Variants in CAMKMT observed in about 807,000 individuals in gnomAD.
The protein encoded by CAMKMT is calmodulin-lysine N-methyltransferase.
Under a neutral mutation model 48.0 loss-of-function variants are expected in CAMKMT, and 53 were observed. The observed-to-expected ratio is 1.10, with a 90% CI of 0.89 to 1.39. The LOEUF is 1.39. CAMKMT is among the 40% of genes most tolerant of loss of function. CAMKMT has a pLI of 0.00. For synonymous variants in CAMKMT, 165 were observed against 152.3 expected, an observed-to-expected ratio of 1.08 and a Z score of -0.61; for missense variants, 428 against 402.7, an observed-to-expected ratio of 1.06 and a Z score of -0.54.
chr2:44,687,034 A>T (rs1676376089), intron 3 of CAMKMT, among the ~76,000 whole-genome samples: 1 of 152,248 alleles, frequency 6.6e-6, no homozygotes, highest in Non-Finnish European at 1.5e-5. Flanking sequence ...TCCAAACGAA[A>T]CTTAAAATCC....
intron 3 of CAMKMT, among the ~76,000 whole-genome samples, chr2:44,451,366 T>C (rs1667278700): frequency 6.6e-6 from 1 of 152,060 alleles, no homozygotes; most frequent in African/African-American, 2.4e-5. Flanking sequence ...TAATCCTTTT[T>C]TTATAACTCA....
intron 3 of CAMKMT, among the ~76,000 whole-genome samples, chr2:44,681,404 G>A (rs1347874726): frequency 6.6e-6 from 1 of 152,170 alleles, no homozygotes; most frequent in East Asian, 1.9e-4. Flanking sequence ...AAGCCGAGAA[G>A]CCCAGTCCTA....
At chr2:44,406,669 C>A (rs76884208) in intron 3 of CAMKMT, among the ~76,000 whole-genome samples, 3,470 of 152,254 alleles carry the variant, frequency 0.023, 145 homozygotes, top group African/African-American at 0.08. Context: ...CCATCATGGC[C>A]TACTGCATCC....
intron 1 of CAMKMT, among the ~76,000 whole-genome samples, chr2:44,365,479 C>A (rs1031594008): frequency 6.6e-6 from 1 of 152,200 alleles, no homozygotes; most frequent in African/African-American, 2.4e-5. Flanking sequence ...GGATGTTGTT[C>A]TGTTTTCCTC....
In CAMKMT at chr2:44,564,278, C is replaced by T. The variant is rs567611389; in HGVS notation, c.377-140005C>T. Among the ~76,000 whole-genome samples, 24 of 151,590 alleles carry T rather than the reference C, an allele frequency of 1.6e-4. 1 individual carries two copies. In the South Asian group the frequency reaches 3.1e-3, roughly 20 times the overall value. ...GTAACCTCCGCCTTCCGGGTTCAAG[C>T]GATTCTCCTGCCTCAGCCTCCCAAG... On this transcript the variant is annotated intron_variant, in intron 3 of 10. Transcript: ENST00000378494.
At chr2:44,548,537 T>G (rs1479031675) in intron 3 of CAMKMT, among the ~76,000 whole-genome samples, 1 of 152,172 alleles carries the variant, frequency 6.6e-6, no homozygotes, top group Admixed American at 6.5e-5. Context: ...TAGATACTGC[T>G]GTGGAAGGAT....
Position 44,715,405 on chromosome 2 carries a change from T to C in CAMKMT, c.623+52T>C, listed in dbSNP as rs1264273053. ...TTCCCATTGAAATTGCTTTTCTTGA[T>C]ACTATGGATGGTTATTAAAAATAAT... On this transcript the variant is annotated intron_variant, in intron 7 of 10. Coordinates refer to ENST00000378494, the MANE Select transcript of CAMKMT (RefSeq NM_024766.5). 3.1e-6 allele frequency: 4 copies of C among 1,290,486 alleles called. No homozygotes were observed. The South Asian group carries it at 4.8e-5, about 15-fold the overall frequency. The allele number at this position is 1,290,486 out of a possible 1,614,324, so 79.9% of individuals were successfully genotyped here. A position where few individuals can be genotyped will look rare whatever the true frequency, so the allele number is the denominator to read the frequency against.
intron 3 of CAMKMT, among the ~76,000 whole-genome samples, chr2:44,509,032 G>T (rs1215506191): frequency 2.6e-5 from 4 of 151,356 alleles, no homozygotes; most frequent in African/African-American, 9.7e-5. Flanking sequence ...GGAGGTGGAG[G>T]TTGCAGTGAG....
chr2:44,393,915 C>T (rs757345426), intron 3 of CAMKMT, among the ~76,000 whole-genome samples: 2 of 152,202 alleles, frequency 1.3e-5, no homozygotes, highest in African/African-American at 4.8e-5. Context: ...TTTCGTTCCA[C>T]TACTGAAAGG....
intron 3 of CAMKMT, among the ~76,000 whole-genome samples, chr2:44,424,777 G>C (rs1684170864): frequency 6.6e-6 from 1 of 152,112 alleles, no homozygotes; most frequent in African/African-American, 2.4e-5. Flanking sequence ...GGGTGAGACG[G>C]GAGTAAGGGA....
chr2:44,598,174 T>C (rs1321238213), intron 3 of CAMKMT, among the ~76,000 whole-genome samples: 1 of 152,094 alleles, frequency 6.6e-6, no homozygotes, highest in Non-Finnish European at 1.5e-5. Context: ...GATGAAAATA[T>C]TACTGTTCAT....
At chr2:44,651,233 C>T (rs369516155) in intron 3 of CAMKMT, among the ~76,000 whole-genome samples, 5 of 152,182 alleles carry the variant, frequency 3.3e-5, no homozygotes, top group Admixed American at 2.6e-4. Context: ...CTGTTAATTG[C>T]AGAACCATTT....
At chr2:44,632,445 C>A (rs1424845325) in intron 3 of CAMKMT, among the ~76,000 whole-genome samples, 1 of 152,104 alleles carries the variant, frequency 6.6e-6, no homozygotes, top group Non-Finnish European at 1.5e-5. Context: ...AGGTTTACAA[C>A]ATGATGTTAT....
intron 3 of CAMKMT, among the ~76,000 whole-genome samples, chr2:44,465,568 CA>C (rs56885024): frequency 1.9e-3 from 253 of 133,362 alleles, no homozygotes; most frequent in Non-Finnish European, 2.4e-3. Flanking sequence ...TGTACTCTGT[CA>C]AAAAAAAAAA....
intron 7 of CAMKMT, among the ~76,000 whole-genome samples, chr2:44,741,401 G>A (rs1375665570): frequency 1.3e-5 from 2 of 152,212 alleles, no homozygotes; most frequent in East Asian, 3.8e-4. Flanking sequence ...CTCATTGTAT[G>A]TTACATGAAC....
chr2:44,405,757 AATG>A (rs1682734735), intron 3 of CAMKMT, among the ~76,000 whole-genome samples: 1 of 152,156 alleles, frequency 6.6e-6, no homozygotes, highest in African/African-American at 2.4e-5. Flanking sequence ...TAAGAAACTA[AATG>A]ATGAATTAGA....
intron 3 of CAMKMT, among the ~76,000 whole-genome samples, chr2:44,433,302 A>G (rs1461020083): frequency 3.3e-5 from 5 of 152,208 alleles, no homozygotes; most frequent in Non-Finnish European, 1.5e-5. Context: ...AGATCTGGAC[A>G]TTCATGACTG....
chr2:44,609,602 A>T (rs181878500), intron 3 of CAMKMT, among the ~76,000 whole-genome samples: 3 of 152,196 alleles, frequency 2.0e-5, no homozygotes, highest in Admixed American at 6.5e-5. Context: ...GTGACTCCTA[A>T]TGTGGCCATA....
rs754990108 is a variant in CAMKMT at position 44,715,341 on chromosome 2, A to C, written c.611A>C (p.Lys204Thr). 1.9e-6 allele frequency: 3 copies of C among 1,612,736 alleles called. No homozygotes were observed. Among genetic ancestry groups the C allele is most frequent in the Admixed American group, 3.3e-5 (2 of 59,886 alleles). Reference sequence around the variant, plus strand: ...AAGGCTGGTGTGTTTAAGACCCAGAAAATATCAAGCTGGTAAGATACCTTT... The same window carrying C: ...AAGGCTGGTGTGTTTAAGACCCAGACAATATCAAGCTGGTAAGATACCTTT... ...NQKAGVFKTQ[K>T]ISSCVLRWDN... The change falls in exon 7 of 11, where the codon AAA (lysine) becomes ACA (threonine). Residue 204 changes from lysine to threonine, a missense_variant. By Grantham distance (78) the Lys-to-Thr change is moderately conservative. Transcript: ENST00000378494.
Sources: allele counts gnomAD v4.1 joint callset (sites outside exome capture counted in the v4.1 genomes callset), GRCh38; gene constraint gnomAD v4.1.1; transcripts MANE v1.5; gene names NCBI Gene and HGNC (gene_info 2026-07-23, HGNC 2026-07-21).